The following SIRT2 variants were observed in gnomAD, a reference collection of about 807,000 sequenced individuals.
The protein encoded by SIRT2 is NAD-dependent protein deacetylase sirtuin-2.
SIRT2 carries 40 observed loss-of-function variants against 57.4 expected under a neutral mutation model. The ratio of observed to expected loss-of-function variants is 0.70; its 90% CI spans 0.54 to 0.91. SIRT2 has a LOEUF of 0.91. Ranked by LOEUF, SIRT2 falls within the 40% of genes least tolerant of loss-of-function variation. The pLI, the probability that SIRT2 is intolerant of heterozygous loss-of-function variation, is 0.00. For synonymous variants in SIRT2, 161 were observed against 195.7 expected (o/e 0.82, Z 1.48); for missense variants, 439 against 510.4 (o/e 0.86, Z 1.35).
rs558298927 is a variant in SIRT2 at position 38,880,984 on chromosome 19, GC to G, written c.748-88del. ...GCCCCCAGCAGCAAACCTCCCTGCC[GC>G]CCCCCATAGCTGGGGAGGTGACCTT... On this transcript the variant is annotated intron_variant, in intron 11 of 15. Transcript: ENST00000249396. The surrounding 1 kb of genome is among the most constrained non-coding windows in gnomAD (Gnocchi z 4.1). 2 of 1,533,048 alleles carry G rather than the reference GC, an allele frequency of 1.3e-6. No individual in the cohort carries two copies. The highest frequency in any genetic ancestry group is 1.8e-6 in the Non-Finnish European group (2 of 1,114,362). The allele number at this position is 1,533,048 out of a possible 1,614,324, so 95.0% of individuals were successfully genotyped here.
rs550762704 is a variant in SIRT2, at chr19:38,881,453, A to C, written c.670T>G (p.Cys224Gly). The change falls in exon 10 of 16, where the codon TGT (cysteine) becomes GGT (glycine). Residue 224 changes from cysteine to glycine, a missense_variant. Cys to Gly is a radical substitution (Grantham distance 159). Transcript: ENST00000249396. ...FSEVTPKCED[C>G]QSLVKPDIVF... ...TCACCAGGCTTCACCAGGCTCTGAC[A>C]GTCTTCACACTTGGGCGTCACCTCA... 3.7e-6 allele frequency: 6 copies of C among 1,614,044 alleles called. No homozygotes were observed. In the African/African-American group the frequency reaches 8.0e-5, roughly 22 times the overall value.
At chr19:38,895,227 C>A (rs1019800225) in intron 2 of SIRT2, among the ~76,000 whole-genome samples, 1 of 152,156 alleles carries the variant, frequency 6.6e-6, no homozygotes, top group African/African-American at 2.4e-5. Context: ...CCCCCAGCCT[C>A]CCAGCCTCAG....
intron 8 of SIRT2, among the ~76,000 whole-genome samples, chr19:38,887,096 C>A (rs1973366578): frequency 6.6e-6 from 1 of 152,128 alleles, no homozygotes; most frequent in Admixed American, 6.6e-5. Context: ...TGCCACCACG[C>A]CTGGCTAATT....
In SIRT2 at chr19:38,893,822, C is replaced by CT; in HGVS notation, c.108dup (p.Asp37ArgfsTer69). ...GTCCCTCCAGGAAGATACTCACTGT[C>CT]TGCTTCTCCACCAGCGGCTCCTCCC... On this transcript the variant is annotated frameshift_variant, in exon 3 of 16. Coordinates refer to ENST00000249396, the MANE Select transcript of SIRT2 (RefSeq NM_012237.4). LOFTEE classifies it high-confidence loss of function. 1.2e-6 allele frequency: 2 copies of CT among 1,614,140 alleles called. No individual in the cohort carries two copies. The highest frequency in any genetic ancestry group is 1.7e-6 in the Non-Finnish European group (2 of 1,180,012).
At chr19:38,892,117 C>T (rs755727007) in intron 4 of SIRT2, among the ~76,000 whole-genome samples, 21 of 152,096 alleles carry the variant, frequency 1.4e-4, no homozygotes, top group Admixed American at 4.6e-4. Flanking sequence ...AATTTCAGGC[C>T]GGGACGGGTG....
At position 38,889,090 on chromosome 19, in the gene SIRT2, C is replaced by A. The variant is rs139101702; in HGVS notation, c.498G>T (p.Thr166=). The part of the protein sequence containing the change: ...KDKGLLLRCY[T]QNIDTLERIA... ...CAGGATGCTCGCATCCGCCTACCTG[C>A]GTGTAGCAGCGCAGGAGTAGCCCCT... The change falls in exon 8 of 16, where the codon ACG becomes ACT. Residue 166 remains threonine (T), a synonymous_variant. Coordinates refer to ENST00000249396, the MANE Select transcript of SIRT2 (RefSeq NM_012237.4). The A allele has an allele frequency of 1.4e-5, 22 of 1,612,008 alleles. No homozygotes were observed. Among genetic ancestry groups the A allele is most frequent in the Non-Finnish European group, 1.8e-5 (21 of 1,179,966 alleles).
At chr19:38,893,028 G>A (rs1425902451) in intron 4 of SIRT2, among the ~76,000 whole-genome samples, 1 of 152,092 alleles carries the variant, frequency 6.6e-6, no homozygotes, top group Non-Finnish European at 1.5e-5. Context: ...CAGAGGCATG[G>A]GGGCAGGCAT....
rs1489259283 is a variant in SIRT2, at chr19:38,879,284, C to A, written c.1041G>T (p.Arg347Ser). The change falls in exon 16 of 16, where the codon AGG becomes AGT. Residue 347 changes from arginine (R) to serine (S), a missense_variant. Transcript: ENST00000249396. ...WKKELEDLVR[R>S]EHASIDAQSG... ...ACTGGGCATCTATGCTGGCGTGCTC[C>A]CTCCGGACAAGGTCCTCCAGCTCCT... The A allele has an allele frequency of 6.2e-7, 1 of 1,613,236 alleles. No individual in the cohort carries two copies. The highest frequency in any genetic ancestry group is 1.1e-5 in the South Asian group (1 of 91,076).
intron 5 of SIRT2, 41 bp from the exon 6 acceptor site, chr19:38,890,002 C>T: frequency 6.2e-7 from 1 of 1,611,074 alleles, no homozygotes; most frequent in Non-Finnish European, 8.5e-7. Context: ...CTATACCATA[C>T]TAACCCTCCC....
In SIRT2 at chr19:38,890,082, T is replaced by TC. The variant is rs1218529958; in HGVS notation, c.268+20_268+21insG. 4 of 1,614,126 alleles carry TC rather than the reference T, an allele frequency of 2.5e-6. No individual in the cohort carries two copies. The South Asian group carries it at 4.4e-5, about 18-fold the overall frequency. ...CTCCCCAGTTCCTGGGGGTAGCTGCTGGGGGAGAAGGGTTACTTACATGTG... is the reference window on the plus strand; with the variant it reads ...CTCCCCAGTTCCTGGGGGTAGCTGCTCGGGGGAGAAGGGTTACTTACATGTG... On this transcript the variant is annotated intron_variant, in intron 5 of 15. Transcript: ENST00000249396.
At chr19:38,883,791 G>C in intron 8 of SIRT2, 35 bp from the exon 9 acceptor site, 1 of 1,610,772 alleles carries the variant, frequency 6.2e-7, no homozygotes, top group Non-Finnish European at 8.5e-7. Context: ...GGGGTGAGGA[G>C]TGAGCCACCC....
chr19:38,887,408 G>A (rs1025025100), intron 8 of SIRT2, among the ~76,000 whole-genome samples: 4 of 152,280 alleles, frequency 2.6e-5, no homozygotes, highest in Middle Eastern at 3.4e-3. Flanking sequence ...TCTGAGCCAC[G>A]TCCTGGAATA....
At chr19:38,895,655 G>A (rs574526133) in intron 2 of SIRT2, among the ~76,000 whole-genome samples, 6 of 152,210 alleles carry the variant, frequency 3.9e-5, no homozygotes, top group Non-Finnish European at 7.3e-5. Flanking sequence ...GTGCAACTCC[G>A]GCTGGGCGTG....
Position 38,880,400 on chromosome 19 carries a change from G to T in SIRT2, c.876+285C>A, listed in dbSNP as rs925030316. ...GAGCGTGGACCCAACCCCGCCCCCC[G>T]CACTGTCTCTCCTGACCCCTGCACC... is the stretch of plus-strand genomic sequence containing the variant. On this transcript the variant is annotated intron_variant, in intron 13 of 15. Transcript: ENST00000249396. This position sits in a 1 kb window ranked among gnomAD's most constrained non-coding sequence, Gnocchi z 4.1. 2 of 263,700 alleles carry T rather than the reference G, an allele frequency of 7.6e-6. No individual in the cohort carries two copies. Among genetic ancestry groups the T allele is most frequent in the Admixed American group, 5.4e-5 (1 of 18,594 alleles). 16.3% of individuals were successfully genotyped at this position (263,700 alleles called of 1,614,324 possible).
chr19:38,888,954 T>C (rs1973429844), intron 8 of SIRT2, 133 bp downstream of exon 8: 1 of 743,842 alleles, frequency 1.3e-6, no homozygotes, highest in Non-Finnish European at 2.3e-6. Flanking sequence ...AAGGAGGCAG[T>C]AGGCCAAGCC....
At chr19:38,892,071 A>C in intron 4 of SIRT2, 1 of 360,980 alleles carries the variant, frequency 2.8e-6, no homozygotes, top group South Asian at 2.1e-5. Flanking sequence ...CTGGTTTCTC[A>C]GACTTTGGTG....
chr19:38,879,378 G>GGGGAGAGGGTCCAGGGATGGGGCTC, intron 15 of SIRT2, 56 bp downstream of exon 15: 1 of 1,599,946 alleles, frequency 6.3e-7, no homozygotes, highest in Non-Finnish European at 8.5e-7. Flanking sequence ...CCCATGGGGT[G>GGGGAGAGGGTCCAGGGATGGGGCTC]GGGAGAGGGT....
intron 4 of SIRT2, among the ~76,000 whole-genome samples, chr19:38,891,610 A>C (rs1199341967): frequency 6.6e-6 from 1 of 151,920 alleles, no homozygotes; most frequent in African/African-American, 2.4e-5. Flanking sequence ...TCACCTTTAA[A>C]TTTTTGCAGA....
At position 38,890,159 on chromosome 19, in the gene SIRT2, C is replaced by T. The variant is rs1973487062; in HGVS notation, c.227-15G>A. 1.9e-6 allele frequency: 3 copies of T among 1,614,012 alleles called. No homozygotes were observed. Among genetic ancestry groups the T allele is most frequent in the South Asian group, 1.1e-5 (1 of 91,086 alleles). On this transcript the variant is annotated splice_polypyrimidine_tract_variant and intron_variant, in intron 4 of 15. Transcript: ENST00000249396. ...GACTCTGCGACCTGGAGGAGAGGAACTTATGCACCATATGACACCGTTTGC... is the reference window on the plus strand; with the variant it reads ...GACTCTGCGACCTGGAGGAGAGGAATTTATGCACCATATGACACCGTTTGC...
Sources: allele counts gnomAD v4.1 joint callset (sites outside exome capture counted in the v4.1 genomes callset), GRCh38; gene constraint gnomAD v4.1.1; non-coding constraint Gnocchi (gnomAD v3.1); transcripts MANE v1.5; gene names NCBI Gene and HGNC (gene_info 2026-07-23, HGNC 2026-07-21).